Variants in EPB41L5 observed in about 807,000 individuals in gnomAD.
EPB41L5 encodes band 4.1-like protein 5.
A neutral mutation model predicts 106.6 loss-of-function variants in EPB41L5; 55 were observed. The ratio of observed to expected loss-of-function variants is 0.52; its 90% CI spans 0.42 to 0.65. EPB41L5 has a LOEUF of 0.65. Among genes scored for constraint, EPB41L5 ranks in the 30% least tolerant of loss-of-function variants. The pLI is 0.00. For synonymous variants in EPB41L5, 297 were observed against 306.7 expected (o/e 0.97, Z 0.33); for missense variants, 871 against 882.1 (o/e 0.99, Z 0.16).
chr2:120,056,391 C>G (rs1381286148), intron 3 of EPB41L5, among the ~76,000 whole-genome samples: 1 of 151,868 alleles, frequency 6.6e-6, no homozygotes, highest in Non-Finnish European at 1.5e-5. Flanking sequence ...CATCTGCCTC[C>G]TGGTTCAAGC....
At chr2:120,096,544 C>T (rs144252595) in intron 14 of EPB41L5, among the ~76,000 whole-genome samples, 1,598 of 152,278 alleles carry the variant, frequency 0.01, 13 homozygotes, top group Middle Eastern at 0.027. Flanking sequence ...AATCCTAACA[C>T]TTTGGGAGGC....
intron 1 of EPB41L5, among the ~76,000 whole-genome samples, chr2:120,014,948 G>A (rs1677410412): frequency 7.1e-6 from 1 of 141,106 alleles, no homozygotes; most frequent in Non-Finnish European, 1.5e-5. Context: ...AAGTGAGTAT[G>A]AGAAAACTTT....
intron 23 of EPB41L5, 95 bp from the exon 24 acceptor site, chr2:120,167,782 A>T: frequency 2.1e-6 from 3 of 1,430,450 alleles, no homozygotes; most frequent in Non-Finnish European, 2.9e-6. Flanking sequence ...ATCTTCGTTA[A>T]TCTCATAGTC....
rs146078449 is a variant in EPB41L5, at chr2:120,165,028, TTA to T, written c.1962+120_1962+121del. 4,658 of 751,114 alleles carry T rather than the reference TTA, an allele frequency of 6.2e-3. 146 individuals are homozygous for T. The African/African-American group carries it at 0.072, about 12-fold the overall frequency. 46.5% of individuals were successfully genotyped at this position (751,114 alleles called of 1,614,324 possible). A position where few individuals can be genotyped will look rare whatever the true frequency, so the allele number is the denominator to read the frequency against. On this transcript the variant is annotated intron_variant, in intron 22 of 24. Transcript: ENST00000263713. ...GTTAAACTTTTCATTTGATAAGAGT[TTA>T]TGTTTTAATAACCACTTAGCATTGC...
intron 16 of EPB41L5, among the ~76,000 whole-genome samples, chr2:120,124,111 G>A (rs1195753169): frequency 2.0e-5 from 3 of 152,114 alleles, no homozygotes; most frequent in Non-Finnish European, 2.9e-5. Context: ...GCTCTTTCGT[G>A]CTTCTCATTA....
At chr2:120,165,883 G>T (rs2105553342) in intron 22 of EPB41L5, among the ~76,000 whole-genome samples, 1 of 147,586 alleles carries the variant, frequency 6.8e-6, no homozygotes, top group Middle Eastern at 3.5e-3. Flanking sequence ...CAAGACAATT[G>T]CTGGAACCTG....
intron 21 of EPB41L5, among the ~76,000 whole-genome samples, chr2:120,162,835 A>G (rs563972193): frequency 1.4e-4 from 22 of 152,360 alleles, no homozygotes; most frequent in Admixed American, 5.2e-4. Context: ...TAGTCCAGGC[A>G]GCAGGGTGGG....
chr2:120,127,219 A>C (rs1039340215), intron 16 of EPB41L5, among the ~76,000 whole-genome samples: 1 of 152,178 alleles, frequency 6.6e-6, no homozygotes, highest in Non-Finnish European at 1.5e-5. Flanking sequence ...CTTTCACTCC[A>C]TTTTGGCTGG....
chr2:120,019,234 G>C lies in EPB41L5; in HGVS notation c.150G>C (p.Leu50=). Residue 50 remains leucine, a synonymous_variant, in exon 2 of 25, where the codon CTG becomes CTC. Transcript: ENST00000263713. ...KSIITCRVSL[L]DGTDVSVDLP... ...TCATCACGTGTCGGGTGTCCCTTCT[G>C]GATGGTACTGATGTTAGTGTGGACT... is the stretch of plus-strand genomic sequence containing the variant. 1.2e-6 allele frequency: 2 copies of C among 1,613,814 alleles called. No homozygotes were observed. Among genetic ancestry groups the C allele is most frequent in the Non-Finnish European group, 1.7e-6 (2 of 1,179,966 alleles).
chr2:120,112,652 A>G (rs1684774504), intron 16 of EPB41L5, among the ~76,000 whole-genome samples: 1 of 152,232 alleles, frequency 6.6e-6, no homozygotes, highest in African/African-American at 2.4e-5. Context: ...GACCTATAGG[A>G]AAAGAAAATT....
chr2:120,159,600 A>G (rs555054725), intron 20 of EPB41L5, among the ~76,000 whole-genome samples: 2 of 152,320 alleles, frequency 1.3e-5, no homozygotes, highest in South Asian at 2.1e-4. Flanking sequence ...AGCCAAGGCA[A>G]TCCTAAGGAA....
chr2:120,068,598 G>A lies in EPB41L5; in HGVS notation c.286-4580G>A, dbSNP rs79887806. Among the ~76,000 whole-genome samples the A allele has an allele frequency of 5.9e-5, 9 of 152,192 alleles. No individual in the cohort carries two copies. In the East Asian group the frequency reaches 7.7e-4, roughly 13 times the overall value. On this transcript the variant is annotated intron_variant, in intron 3 of 24. Transcript: ENST00000263713. ...TATAAACAAAGCCGCCAGGAAGTTC[G>A]GACTGGGCAGAGCCCATGTCATAAT... is the stretch of plus-strand genomic sequence containing the variant.
intron 3 of EPB41L5, among the ~76,000 whole-genome samples, chr2:120,043,853 TA>T (rs1558819446): frequency 2.0e-5 from 3 of 152,000 alleles, no homozygotes; most frequent in South Asian, 2.1e-4. Flanking sequence ...TTCTATTTTT[TA>T]AAAAAATCTA....
chr2:120,146,798 A>G (rs1686425838), intron 20 of EPB41L5, among the ~76,000 whole-genome samples: 1 of 152,124 alleles, frequency 6.6e-6, no homozygotes, highest in Non-Finnish European at 1.5e-5. Flanking sequence ...TTTCTTCACC[A>G]CTGTGAATCT....
chr2:120,104,356 C>T, intron 16 of EPB41L5: 2 of 1,415,202 alleles, frequency 1.4e-6, no homozygotes, highest in Non-Finnish European at 1.8e-6. Flanking sequence ...TACAGTGAGT[C>T]ACTAGTTGTT....
chr2:120,031,501 G>A (rs1678706977), intron 2 of EPB41L5, among the ~76,000 whole-genome samples: 1 of 152,092 alleles, frequency 6.6e-6, no homozygotes, highest in African/African-American at 2.4e-5. Context: ...TAATGAATTT[G>A]TAGTGGGCCA....
chr2:120,127,693 C>A lies in EPB41L5; in HGVS notation c.1343C>A (p.Pro448His), dbSNP rs1685518797. 2.5e-6 allele frequency: 4 copies of A among 1,593,724 alleles called. No homozygotes were observed. The highest frequency in any genetic ancestry group is 1.7e-6 in the Non-Finnish European group (2 of 1,167,398). The change falls in exon 17 of 25, where the codon CCT (proline) becomes CAT (histidine). Residue 448 changes from proline (P) to histidine (H), a missense_variant. Pro to His is a moderately conservative substitution (Grantham distance 77). Coordinates refer to ENST00000263713, the MANE Select transcript of EPB41L5 (RefSeq NM_020909.4). ...GTDQHDRKCI[P>H]LNIDLLNSPD... ...ATTTTCTATTTCCATTGCAGCATTC[C>A]TCTGAATATTGATTTGCTGAATAGC...
At chr2:120,077,159 G>T in intron 8 of EPB41L5, 68 bp downstream of exon 8, 1 of 1,583,306 alleles carries the variant, frequency 6.3e-7, no homozygotes. Context: ...ATTTTCTTCT[G>T]TTTCTATCCT....
At chr2:120,018,992 A>G in intron 1 of EPB41L5, 85 bp from the exon 2 acceptor site, 1 of 1,200,746 alleles carries the variant, frequency 8.3e-7, no homozygotes, top group Non-Finnish European at 1.2e-6. Flanking sequence ...ACAGGACTTG[A>G]CTAAATAATG....
Sources: gnomAD v4.1 joint callset for allele counts (sites outside exome capture counted in the v4.1 genomes callset) on GRCh38, gnomAD v4.1.1 for gene constraint, MANE v1.5 for transcripts, NCBI Gene and HGNC (gene_info 2026-07-23, HGNC 2026-07-21) for gene names.